ABI1: variants seen among roughly 807,000 people sequenced by gnomAD.
The protein encoded by ABI1 is abl interactor 1.
ABI1 carries 14 observed loss-of-function variants against 54.6 expected under a neutral mutation model. The ratio of observed to expected loss-of-function variants is 0.26; its 90% CI spans 0.17 to 0.40. The LOEUF is 0.40. ABI1 is among the 10% of genes least tolerant of loss of function. The pLI is 1.00. For missense variants in ABI1, 443 were observed against 598.3 expected, an observed-to-expected ratio of 0.74 and a Z score of 2.71; for synonymous variants, 194 against 209.3, an observed-to-expected ratio of 0.93 and a Z score of 0.63.
At chr10:26,774,414 C>T (rs1226136433) in intron 3 of ABI1, among the ~76,000 whole-genome samples, 6 of 152,098 alleles carry the variant, frequency 3.9e-5, no homozygotes, top group African/African-American at 1.4e-4. Context: ...AATTTCTTTG[C>T]TAAGTATTCA....
At chr10:26,803,112 G>C (rs1015417189) in intron 2 of ABI1, among the ~76,000 whole-genome samples, 1 of 152,096 alleles carries the variant, frequency 6.6e-6, no homozygotes, top group Non-Finnish European at 1.5e-5. Flanking sequence ...GCAAGAGTTA[G>C]GCAGAAGAAA....
intron 1 of ABI1, among the ~76,000 whole-genome samples, chr10:26,848,696 C>T (rs2134191413): frequency 6.7e-6 from 1 of 149,978 alleles, no homozygotes; most frequent in East Asian, 2.0e-4. Context: ...GCAACCTCTG[C>T]CTCCCAGGTT....
At chr10:26,837,600 T>C (rs2049174788) in intron 1 of ABI1, among the ~76,000 whole-genome samples, 1 of 152,148 alleles carries the variant, frequency 6.6e-6, no homozygotes, top group Non-Finnish European at 1.5e-5. Context: ...AATTAGTATT[T>C]AATTTTCTTT....
chr10:26,774,847 T>G (rs1841182901), intron 3 of ABI1, among the ~76,000 whole-genome samples: 1 of 151,934 alleles, frequency 6.6e-6, no homozygotes, highest in Non-Finnish European at 1.5e-5. Flanking sequence ...AAATTCTGTA[T>G]GTTTATTTCT....
chr10:26,816,994 G>C (rs955774405), intron 2 of ABI1, among the ~76,000 whole-genome samples: 141 of 133,520 alleles, frequency 1.1e-3, no homozygotes, highest in African/African-American at 3.2e-3. Flanking sequence ...CTTTGTGTGT[G>C]TGTGTGTGTG....
intron 7 of ABI1, 126 bp from the exon 8 acceptor site, chr10:26,759,364 A>C: frequency 1.5e-6 from 1 of 666,288 alleles, no homozygotes. Context: ...ACCAAGGCAC[A>C]AAATAAAGAG....
intron 2 of ABI1, among the ~76,000 whole-genome samples, chr10:26,786,490 G>A (rs531376999): frequency 6.6e-6 from 1 of 151,974 alleles, no homozygotes; most frequent in African/African-American, 2.4e-5. Flanking sequence ...AAAGTGCTGG[G>A]ATTACAGGCA....
At chr10:26,805,092 A>G (rs1253209618) in intron 2 of ABI1, among the ~76,000 whole-genome samples, 1 of 152,202 alleles carries the variant, frequency 6.6e-6, no homozygotes, top group Non-Finnish European at 1.5e-5. Flanking sequence ...ACAAACACAT[A>G]ATTGGAAAAA....
intron 2 of ABI1, among the ~76,000 whole-genome samples, chr10:26,798,674 TGAG>T (rs2046356893): frequency 6.6e-6 from 1 of 151,894 alleles, no homozygotes. Flanking sequence ...GCGCACACAC[TGAG>T]GTGGGGTTGG....
chr10:26,820,716 T>C (rs1212933991), intron 2 of ABI1, among the ~76,000 whole-genome samples: 1 of 151,240 alleles, frequency 6.6e-6, no homozygotes, highest in African/African-American at 2.4e-5. Flanking sequence ...CCTGAGTGAG[T>C]AGCTGGGATT....
intron 2 of ABI1, among the ~76,000 whole-genome samples, chr10:26,817,707 C>G (rs2047666113): frequency 6.6e-6 from 1 of 152,140 alleles, no homozygotes; most frequent in Non-Finnish European, 1.5e-5. Context: ...TCAATTTTAT[C>G]TTATGCATAT....
chr10:26,838,989 A>G (rs2049294803), intron 1 of ABI1, among the ~76,000 whole-genome samples: 1 of 152,216 alleles, frequency 6.6e-6, no homozygotes, highest in African/African-American at 2.4e-5. Flanking sequence ...ACTACTCTGC[A>G]TACCGCATGA....
At chr10:26,763,871 C>T in intron 7 of ABI1, 1 of 1,609,162 alleles carries the variant, frequency 6.2e-7, no homozygotes, top group East Asian at 2.2e-5. Context: ...AATGGCTATG[C>T]AATCTCACCT....
intron 8 of ABI1, among the ~76,000 whole-genome samples, chr10:26,758,223 AACATGTGGCTC>A (rs1266261970): frequency 6.6e-6 from 1 of 152,178 alleles, no homozygotes; most frequent in Non-Finnish European, 1.5e-5. Context: ...AAACAAAAAT[AACATGTGGCTC>A]TAGAAAGAGC....
chr10:26,797,142 A>C (rs17754419), intron 2 of ABI1, among the ~76,000 whole-genome samples: 3,402 of 152,276 alleles, frequency 0.022, 228 homozygotes, highest in East Asian at 0.2. Flanking sequence ...GTCTAAAGGA[A>C]AGTAATTTTT....
intron 7 of ABI1, chr10:26,763,936 G>A (rs777010816): frequency 1.2e-6 from 2 of 1,612,768 alleles, no homozygotes; most frequent in Admixed American, 3.3e-5. Flanking sequence ...TGGAGCTCCA[G>A]AAGGAGGAGG....
intron 3 of ABI1, among the ~76,000 whole-genome samples, chr10:26,776,148 T>C (rs1056882500): frequency 5.3e-5 from 8 of 152,012 alleles, no homozygotes; most frequent in African/African-American, 1.7e-4. Context: ...TTTCCAGACA[T>C]AAAAAGTGAA....
chr10:26,833,558 T>G (rs1276299585), intron 1 of ABI1, among the ~76,000 whole-genome samples: 1 of 152,182 alleles, frequency 6.6e-6, no homozygotes, highest in Admixed American at 6.5e-5. Flanking sequence ...TACTTAAGTA[T>G]TACTAATAGA....
intron 2 of ABI1, among the ~76,000 whole-genome samples, chr10:26,813,211 T>G (rs977924798): frequency 6.6e-6 from 1 of 150,856 alleles, no homozygotes; most frequent in Admixed American, 6.6e-5. Context: ...ATCACGACAC[T>G]GCACTCCAGC....
Sources: gnomAD v4.1 joint callset for allele counts (sites outside exome capture counted in the v4.1 genomes callset) on GRCh38, gnomAD v4.1.1 for gene constraint, MANE v1.5 for transcripts, NCBI Gene and HGNC (gene_info 2026-07-23, HGNC 2026-07-21) for gene names.